C11orf42: variants seen among roughly 807,000 people sequenced by gnomAD.
C11orf42 encodes the protein chromosome 11 open reading frame 42.
Under a neutral mutation model 27.9 loss-of-function variants are expected in C11orf42, and 24 were observed. The ratio of observed to expected loss-of-function variants is 0.86; its 90% CI spans 0.62 to 1.21. The LOEUF (loss-of-function observed/expected upper bound fraction) is 1.21. Ranked by LOEUF, C11orf42 falls within the 50% of genes most tolerant of loss-of-function variation. The probability of loss-of-function intolerance (pLI) is 0.00; values close to 1 mark genes in which losing one functional copy is unlikely to be tolerated. For missense variants in C11orf42, 455 were observed against 424.1 expected, an observed-to-expected ratio of 1.07 and a Z score of -0.64; for synonymous variants, 187 against 180.8, an observed-to-expected ratio of 1.03 and a Z score of -0.28.
rs1476200859 is a variant in C11orf42, at chr11:6,210,180, G to A, written c.403G>A (p.Ala135Thr). 2 of 1,614,216 alleles carry A rather than the reference G, an allele frequency of 1.2e-6. No homozygotes were observed. Among genetic ancestry groups the A allele is most frequent in the Admixed American group, 3.3e-5 (2 of 60,034 alleles). Residue 135 changes from alanine to threonine, a missense_variant, in exon 2 of 3, where the codon GCC (alanine) becomes ACC (threonine). Coordinates refer to ENST00000316375, the MANE Select transcript of C11orf42 (RefSeq NM_173525.3). The surrounding 1 kb of genome is among the most constrained non-coding windows in gnomAD (Gnocchi z 4.0). The part of the protein sequence containing the change: ...LHMGDLRKKV[A>T]FLLLPPGQVS... ...TATGGGTGACCTGCGCAAGAAGGTT[G>A]CCTTCCTGTTGCTGCCACCAGGGCA...
rs764826744 is a variant in C11orf42 at position 6,211,011 on chromosome 11, G to A, written c.971G>A (p.Gly324Asp). 8.7e-6 allele frequency: 14 copies of A among 1,609,988 alleles called. No homozygotes were observed. The highest frequency in any genetic ancestry group is 1.3e-5 in the African/African-American group (1 of 74,628). ...TCCATGTCCCTGCCCCTGCTGCAGG[G>A]TCTATCCTCAGAGTTCGACAGTGAC... ...GHSMSLPLLQ[G>D]LSSEFDSDD The change falls in exon 3 of 3, where the codon GGT (glycine) becomes GAT (aspartate). Residue 324 changes from glycine (G) to aspartate (D), a missense_variant. Transcript: ENST00000316375.
At chr11:6,209,040 G>A (rs1847010387) in intron 1 of C11orf42, among the ~76,000 whole-genome samples, 1 of 151,960 alleles carries the variant, frequency 6.6e-6, no homozygotes, top group Non-Finnish European at 1.5e-5. Flanking sequence ...ACCAGGTGTG[G>A]TGGTGGGTGC....
intron 1 of C11orf42, among the ~76,000 whole-genome samples, chr11:6,209,322 T>G (rs1343583538): frequency 1.3e-5 from 2 of 152,200 alleles, no homozygotes; most frequent in East Asian, 3.8e-4. Flanking sequence ...AGTTCCTGTG[T>G]GCCTTTCCCT....
chr11:6,206,767 T>C (rs113062365), intron 1 of C11orf42, among the ~76,000 whole-genome samples: 24 of 152,206 alleles, frequency 1.6e-4, no homozygotes, highest in Admixed American at 2.6e-4. Flanking sequence ...CAGAATTAGA[T>C]TGAAAATAAA....
chr11:6,207,255 C>T (rs1846989421), intron 1 of C11orf42, among the ~76,000 whole-genome samples: 1 of 152,192 alleles, frequency 6.6e-6, no homozygotes, highest in Non-Finnish European at 1.5e-5. Flanking sequence ...AGGATAACCA[C>T]TGTGGCTGTC....
At position 6,211,077 on chromosome 11, in the gene C11orf42, A is replaced by C; in HGVS notation, c.*35A>C. The C allele has an allele frequency of 6.2e-7, 1 of 1,607,044 alleles. No homozygotes were observed. Among genetic ancestry groups the C allele is most frequent in the Non-Finnish European group, 8.5e-7 (1 of 1,178,000 alleles). On this transcript the variant is annotated 3_prime_UTR_variant, in exon 3 of 3. Coordinates refer to ENST00000316375, the MANE Select transcript of C11orf42 (RefSeq NM_173525.3). ...AAAAGATTCCGGGGGCAAAGCCCCC[A>C]AGATCTGGCATAGGGGTACTGGTCT...
In C11orf42 at chr11:6,210,322, C is replaced by T; in HGVS notation, c.545C>T (p.Pro182Leu). The T allele has an allele frequency of 6.2e-7, 1 of 1,614,196 alleles. No individual in the cohort carries two copies. Among genetic ancestry groups the T allele is most frequent in the South Asian group, 1.1e-5 (1 of 91,086 alleles). The change falls in exon 2 of 3, where the codon CCC becomes CTC. Residue 182 changes from proline to leucine, a missense_variant. By Grantham distance (98) the Pro-to-Leu change is moderately conservative. Coordinates refer to ENST00000316375, the MANE Select transcript of C11orf42 (RefSeq NM_173525.3). This position sits in a 1 kb window ranked among gnomAD's most constrained non-coding sequence, Gnocchi z 4.0. ...GGGCTGACGTCTACAGCCCGTGAGC[C>T]CCAGCTCCTCCGGCTACTTCGGTCA... is the stretch of plus-strand genomic sequence containing the variant. ...QLGLTSTARE[P>L]QLLRLLRSLP...
chr11:6,210,770 G>C lies in C11orf42; in HGVS notation c.871+122G>C. 2 of 1,393,722 alleles carry C rather than the reference G, an allele frequency of 1.4e-6. No homozygotes were observed. Among genetic ancestry groups the C allele is most frequent in the African/African-American group, 1.4e-5 (1 of 69,022 alleles). 86.3% of individuals were successfully genotyped at this position (1,393,722 alleles called of 1,614,324 possible). Reference sequence around the variant, plus strand: ...GCACAGGGCTCTGGTGAAAGAGATGGAATGAGGGAGACTGGGGAGGGTGAG... The same window carrying C: ...GCACAGGGCTCTGGTGAAAGAGATGCAATGAGGGAGACTGGGGAGGGTGAG... On this transcript the variant is annotated intron_variant, in intron 2 of 2. Coordinates refer to ENST00000316375, the MANE Select transcript of C11orf42 (RefSeq NM_173525.3). This position sits in a 1 kb window ranked among gnomAD's most constrained non-coding sequence, Gnocchi z 4.0.
At position 6,205,687 on chromosome 11, in the gene C11orf42, G is replaced by C. The variant is rs1317212153; in HGVS notation, c.72G>C (p.Lys24Asn). The C allele has an allele frequency of 1.2e-6, 2 of 1,613,166 alleles. No individual in the cohort carries two copies. Among genetic ancestry groups the C allele is most frequent in the African/African-American group, 2.7e-5 (2 of 74,872 alleles). ...CCACCTGGACCCTCATCAAGGATAAGGTAGGTAAAGTAAGGAGGCTAAAGA... is the reference window on the plus strand; with the variant it reads ...CCACCTGGACCCTCATCAAGGATAACGTAGGTAAAGTAAGGAGGCTAAAGA... ...ADATWTLIKDKVIEEHFGPNA... is the reference protein window; with the variant it reads ...ADATWTLIKDNVIEEHFGPNA... The change falls in exon 1 of 3, where the codon AAG becomes AAC. Residue 24 changes from lysine (K) to asparagine (N), a missense_variant and splice_region_variant. By Grantham distance (94) the Lys-to-Asn change is moderately conservative (BLOSUM62 0). Transcript: ENST00000316375.
chr11:6,210,513 A>T lies in C11orf42; in HGVS notation c.736A>T (p.Thr246Ser). Residue 246 changes from threonine (T) to serine (S), a missense_variant, in exon 2 of 3, where the codon ACT becomes TCT. Transcript: ENST00000316375. The surrounding 1 kb of genome is among the most constrained non-coding windows in gnomAD (Gnocchi z 4.0). ...CCCCACATCAGCACCTGCTGATACA[A>T]CTGAAGCTGCTGATGTGCCCCCACC... ...LAPTSAPADT[T>S]EAADVPPPVP... 6.2e-7 allele frequency: 1 copy of T among 1,613,674 alleles called. No individual in the cohort carries two copies. The highest frequency in any genetic ancestry group is 8.5e-7 in the Non-Finnish European group (1 of 1,179,822).
rs1333831991 is a variant in C11orf42 at position 6,210,700 on chromosome 11, AG to A, written c.871+55del. 6.4e-7 allele frequency: 1 copy of A among 1,572,500 alleles called. No individual in the cohort carries two copies. Among genetic ancestry groups the A allele is most frequent in the South Asian group, 1.1e-5 (1 of 88,362 alleles). ...ATGGATGGGAGGGACAAAGTGAAGGAGGGAGAAGGCATGAGAATTAAGTATG... is the reference window on the plus strand; with the variant it reads ...ATGGATGGGAGGGACAAAGTGAAGGAGGAGAAGGCATGAGAATTAAGTATG... On this transcript the variant is annotated intron_variant, in intron 2 of 2. Transcript: ENST00000316375. This position sits in a 1 kb window ranked among gnomAD's most constrained non-coding sequence, Gnocchi z 4.0.
Position 6,210,705 on chromosome 11 carries a change from G to A in C11orf42, c.871+57G>A. Reference sequence around the variant, plus strand: ...TGGGAGGGACAAAGTGAAGGAGGGAGAAGGCATGAGAATTAAGTATGTGAG... The same window carrying A: ...TGGGAGGGACAAAGTGAAGGAGGGAAAAGGCATGAGAATTAAGTATGTGAG... On this transcript the variant is annotated intron_variant, in intron 2 of 2. Coordinates refer to ENST00000316375, the MANE Select transcript of C11orf42 (RefSeq NM_173525.3). This position sits in a 1 kb window ranked among gnomAD's most constrained non-coding sequence, Gnocchi z 4.0. 1.9e-6 allele frequency: 3 copies of A among 1,553,560 alleles called. No homozygotes were observed. Among genetic ancestry groups the A allele is most frequent in the Non-Finnish European group, 2.6e-6 (3 of 1,137,576 alleles).
rs764320376 is a variant in C11orf42, at chr11:6,210,573, G to A, written c.796G>A (p.Gly266Arg). ...CCCACCTACGCCACCTCCCCAGGAA[G>A]GGCCAGAGGACAAACCCACCAGATT... is the stretch of plus-strand genomic sequence containing the variant. Reference protein sequence around the residue: ...PAPPTPPPQEGPEDKPTRFSY... With the variant: ...PAPPTPPPQERPEDKPTRFSY... Residue 266 changes from glycine (G) to arginine (R), a missense_variant, in exon 2 of 3, where the codon GGG becomes AGG. Transcript: ENST00000316375. The surrounding 1 kb of genome is among the most constrained non-coding windows in gnomAD (Gnocchi z 4.0). 3 of 1,614,090 alleles carry A rather than the reference G, an allele frequency of 1.9e-6. No individual in the cohort carries two copies. Among genetic ancestry groups the A allele is most frequent in the Admixed American group, 1.7e-5 (1 of 60,006 alleles).
Position 6,211,029 on chromosome 11 carries a change from A to C in C11orf42, c.989A>C (p.Asp330Ala). 1 of 1,610,754 alleles carries C rather than the reference A, an allele frequency of 6.2e-7. No individual in the cohort carries two copies. Among genetic ancestry groups the C allele is most frequent in the Non-Finnish European group, 8.5e-7 (1 of 1,178,964 alleles). ...PLLQGLSSEF[D>A]SDD ...CTGCAGGGTCTATCCTCAGAGTTCG[A>C]CAGTGACGACTGAAGCTGAAGCAAA... Residue 330 changes from aspartate to alanine, a missense_variant, in exon 3 of 3, where the codon GAC (aspartate) becomes GCC (alanine). Physicochemically the swap from Asp to Ala is moderately radical, Grantham distance 126. Transcript: ENST00000316375.
intron 1 of C11orf42, 50 bp from the exon 2 acceptor site, chr11:6,209,800 C>G: frequency 6.6e-7 from 1 of 1,509,178 alleles, no homozygotes; most frequent in South Asian, 1.3e-5. Flanking sequence ...AGTAGGCAAC[C>G]AGTTAACTTC....
At chr11:6,207,573 C>A (rs1319986613) in intron 1 of C11orf42, among the ~76,000 whole-genome samples, 1 of 152,202 alleles carries the variant, frequency 6.6e-6, no homozygotes, top group Admixed American at 6.5e-5. Context: ...AATGTCAACC[C>A]ACCAGTGTTC....
rs370893197 is a variant in C11orf42, at chr11:6,210,178, T to C, written c.401T>C (p.Val134Ala). 3 of 1,614,036 alleles carry C rather than the reference T, an allele frequency of 1.9e-6. No homozygotes were observed. The highest frequency in any genetic ancestry group is 2.7e-5 in the African/African-American group (2 of 74,906). Residue 134 changes from valine to alanine, a missense_variant, in exon 2 of 3, where the codon GTT (valine) becomes GCT (alanine). By Grantham distance (64) the Val-to-Ala change is moderately conservative (BLOSUM62 0). Transcript: ENST00000316375. The surrounding 1 kb of genome is among the most constrained non-coding windows in gnomAD (Gnocchi z 4.0). ...CATATGGGTGACCTGCGCAAGAAGG[T>C]TGCCTTCCTGTTGCTGCCACCAGGG... ...RLHMGDLRKKVAFLLLPPGQV... is the reference protein window; with the variant it reads ...RLHMGDLRKKAAFLLLPPGQV...
Position 6,209,837 on chromosome 11 carries a change from T to C in C11orf42, c.73-13T>C. The C allele has an allele frequency of 2.6e-6, 4 of 1,566,204 alleles. No individual in the cohort carries two copies. Among genetic ancestry groups the C allele is most frequent in the Non-Finnish European group, 3.5e-6 (4 of 1,150,644 alleles). On this transcript the variant is annotated splice_polypyrimidine_tract_variant and intron_variant, in intron 1 of 2. Coordinates refer to ENST00000316375, the MANE Select transcript of C11orf42 (RefSeq NM_173525.3). ...GACCCTAAGTCCCTGACCTATAAAC[T>C]GGCCACCTGCAGGTCATCGAGGAGC...
intron 1 of C11orf42, 116 bp downstream of exon 1, chr11:6,205,803 T>C (rs1253992720): frequency 2.6e-6 from 2 of 777,296 alleles, no homozygotes; most frequent in South Asian, 3.5e-5. Flanking sequence ...CAACATTTAC[T>C]CACTGCTTCC....
Sources: allele counts gnomAD v4.1 joint callset (sites outside exome capture counted in the v4.1 genomes callset), GRCh38; gene constraint gnomAD v4.1.1; non-coding constraint Gnocchi (gnomAD v3.1); transcripts MANE v1.5; gene names NCBI Gene and HGNC (gene_info 2026-07-23, HGNC 2026-07-21).